Variants in TRIM24 observed in about 807,000 individuals in gnomAD.
TRIM24 encodes the protein tripartite motif containing 24.
Under a neutral mutation model 123.9 loss-of-function variants are expected in TRIM24, and 29 were observed. The ratio of observed to expected loss-of-function variants is 0.23; its 90% CI spans 0.17 to 0.32. The LOEUF (loss-of-function observed/expected upper bound fraction) is 0.32, where lower values mean the gene tolerates loss of function less well. Ranked by LOEUF, TRIM24 falls within the 10% of genes least tolerant of loss-of-function variation. TRIM24 has a pLI of 1.00. For missense variants in TRIM24, 932 were observed against 1,295.3 expected, an observed-to-expected ratio of 0.72 and a Z score of 4.31; for synonymous variants, 456 against 461.1, an observed-to-expected ratio of 0.99 and a Z score of 0.14.
intron 1 of TRIM24, among the ~76,000 whole-genome samples, chr7:138,466,735 G>T (rs1048302613): frequency 2.6e-5 from 4 of 151,898 alleles, no homozygotes; most frequent in African/African-American, 9.7e-5. Context: ...TGTATTGCAG[G>T]TATTGACTCT....
Position 138,559,048 on chromosome 7 carries a change from G to A in TRIM24, c.1530+4082G>A, listed in dbSNP as rs184482614. Among the ~76,000 whole-genome samples, 12 of 152,326 alleles carry A rather than the reference G, an allele frequency of 7.9e-5. No individual in the cohort carries two copies. The East Asian group carries it at 2.1e-3, about 27-fold the overall frequency. ...GTATAAGGATATGACCTCCCCATAAGGGGAAGAGGCTTTGATTTGGTTTGG... is the reference window on the plus strand; with the variant it reads ...GTATAAGGATATGACCTCCCCATAAAGGGAAGAGGCTTTGATTTGGTTTGG... On this transcript the variant is annotated intron_variant, in intron 9 of 18. Transcript: ENST00000343526.
At chr7:138,561,870 CT>C (rs1797434963) in intron 9 of TRIM24, among the ~76,000 whole-genome samples, 1 of 152,122 alleles carries the variant, frequency 6.6e-6, no homozygotes, top group South Asian at 2.1e-4. Flanking sequence ...TCTTTTGTGG[CT>C]TCATATAATG....
chr7:138,554,990 C>G lies in TRIM24; in HGVS notation c.1530+24C>G, dbSNP rs765809291. ...AGGTAAATTTGGAAGCAGGCCTGTC[C>G]TCACTTAGATAATTATAGTATAATT... On this transcript the variant is annotated intron_variant, in intron 9 of 18. Transcript: ENST00000343526. This position sits in a 1 kb window ranked among gnomAD's most constrained non-coding sequence, Gnocchi z 4.5. 2 of 1,607,962 alleles carry G rather than the reference C, an allele frequency of 1.2e-6. No individual in the cohort carries two copies. The highest frequency in any genetic ancestry group is 1.7e-6 in the Non-Finnish European group (2 of 1,175,916).
In TRIM24 at chr7:138,480,883, C is replaced by A. The variant is rs370264915; in HGVS notation, c.364+19971C>A. Among the ~76,000 whole-genome samples, 27 of 152,230 alleles carry A rather than the reference C, an allele frequency of 1.8e-4. No individual in the cohort carries two copies. In the East Asian group the frequency reaches 2.9e-3, roughly 16 times the overall value. On this transcript the variant is annotated intron_variant, in intron 1 of 18. Coordinates refer to ENST00000343526, the MANE Select transcript of TRIM24 (RefSeq NM_015905.3). The stretch of plus-strand genomic sequence containing the variant: ...AGTACCAGTTAGGTTGAGCACTTTC[C>A]ATATCCATCATTTAGATTTCAGCTA...
rs773649493 is a variant in TRIM24, at chr7:138,589,465, C to T, written c.*4514C>T. ...TATCTACTTTGAGTCTCCATTACTA[C>T]TACTGTTGTTCCCCTAGCTGTAACA... On this transcript the variant is annotated 3_prime_UTR_variant, in exon 19 of 19. Transcript: ENST00000343526. 6.6e-6 allele frequency: 1 copy of T among 152,202 alleles called. No individual in the cohort carries two copies. The highest frequency in any genetic ancestry group is 6.5e-5 in the Admixed American group (1 of 15,284). 9.4% of individuals were successfully genotyped at this position (152,202 alleles called of 1,614,324 possible). A position where few individuals can be genotyped will look rare whatever the true frequency, so the allele number is the denominator to read the frequency against.
intron 2 of TRIM24, among the ~76,000 whole-genome samples, chr7:138,511,417 C>T (rs537667397): frequency 1.2e-4 from 18 of 151,918 alleles, no homozygotes; most frequent in Non-Finnish European, 2.4e-4. Flanking sequence ...TCTCCTGCCT[C>T]AGCCTCCCGA....
intron 11 of TRIM24, among the ~76,000 whole-genome samples, chr7:138,572,737 G>A (rs1414606591): frequency 6.6e-6 from 1 of 152,178 alleles, no homozygotes; most frequent in Non-Finnish European, 1.5e-5. Context: ...GAATTGAACT[G>A]GATTTTAAGC....
At chr7:138,498,889 C>T (rs774655773) in intron 1 of TRIM24, among the ~76,000 whole-genome samples, 4 of 152,102 alleles carry the variant, frequency 2.6e-5, no homozygotes, top group Non-Finnish European at 5.9e-5. Context: ...CTGCCTTGGC[C>T]TCCCAAAGTG....
intron 9 of TRIM24, among the ~76,000 whole-genome samples, chr7:138,566,862 C>T (rs1055592667): frequency 1.3e-5 from 2 of 152,132 alleles, no homozygotes; most frequent in South Asian, 4.1e-4. Flanking sequence ...ATTTTGAGTA[C>T]ACCCACTGAG....
chr7:138,578,920 G>GGATA (rs1797831654), intron 14 of TRIM24, among the ~76,000 whole-genome samples: 1 of 146,360 alleles, frequency 6.8e-6, no homozygotes, highest in African/African-American at 2.5e-5. Flanking sequence ...CTCCAGTGAG[G>GGATA]TATATATATA....
chr7:138,461,099 G>T (rs536384913), intron 1 of TRIM24, 187 bp downstream of exon 1: 4 of 740,488 alleles, frequency 5.4e-6, no homozygotes, highest in Non-Finnish European at 9.4e-6. Context: ...TGTCGCGCTC[G>T]GCCAGCAACT....
chr7:138,507,706 A>G (rs1268056957), intron 2 of TRIM24, among the ~76,000 whole-genome samples: 2 of 152,158 alleles, frequency 1.3e-5, no homozygotes, highest in African/African-American at 4.8e-5. Flanking sequence ...ATGTAAAAAT[A>G]AAAGGACCAG....
At chr7:138,469,216 C>T (rs982213330) in intron 1 of TRIM24, among the ~76,000 whole-genome samples, 2 of 152,032 alleles carry the variant, frequency 1.3e-5, no homozygotes, top group Admixed American at 1.3e-4. Context: ...TGTAAACTTT[C>T]ATTTTTAGGT....
At chr7:138,539,929 T>A (rs1796970140) in intron 7 of TRIM24, among the ~76,000 whole-genome samples, 1 of 151,628 alleles carries the variant, frequency 6.6e-6, no homozygotes, top group Admixed American at 6.6e-5. Context: ...GCCTCCCGAG[T>A]AGCTGGAACT....
At chr7:138,497,791 A>C (rs868061030) in intron 1 of TRIM24, among the ~76,000 whole-genome samples, 2 of 151,302 alleles carry the variant, frequency 1.3e-5, no homozygotes, top group African/African-American at 4.9e-5. Context: ...CCTGGGCTTA[A>C]GCCATCCTCC....
chr7:138,551,001 A>G, intron 7 of TRIM24, 62 bp from the exon 8 acceptor site: 1 of 1,373,422 alleles, frequency 7.3e-7, no homozygotes, highest in South Asian at 1.2e-5. Context: ...GTTTTTGTAT[A>G]TTTACTGGGC....
At chr7:138,513,567 G>C (rs1037927663) in intron 2 of TRIM24, among the ~76,000 whole-genome samples, 8 of 152,048 alleles carry the variant, frequency 5.3e-5, no homozygotes, top group African/African-American at 1.9e-4. Flanking sequence ...AAAAAGAGAG[G>C]GGGGAGGCGC....
intron 4 of TRIM24, among the ~76,000 whole-genome samples, chr7:138,521,982 C>T (rs889366057): frequency 2.6e-5 from 4 of 152,050 alleles, no homozygotes; most frequent in Non-Finnish European, 5.9e-5. Flanking sequence ...TAATTGAAGC[C>T]GAGCAGTGTG....
At chr7:138,518,685 T>G (rs773317384) in intron 3 of TRIM24, among the ~76,000 whole-genome samples, 3 of 152,170 alleles carry the variant, frequency 2.0e-5, no homozygotes, top group Non-Finnish European at 4.4e-5. Context: ...TCTCTGTCTG[T>G]GAGGTCTCAC....
Sources: allele counts gnomAD v4.1 joint callset (sites outside exome capture counted in the v4.1 genomes callset), GRCh38; gene constraint gnomAD v4.1.1; non-coding constraint Gnocchi (gnomAD v3.1); transcripts MANE v1.5; gene names NCBI Gene and HGNC (gene_info 2026-07-23, HGNC 2026-07-21).